Variants in RCAN2 observed in about 807,000 individuals in gnomAD.
RCAN2 encodes the protein calcipressin-2.
A neutral mutation model predicts 23.6 loss-of-function variants in RCAN2; 9 were observed. The observed-to-expected ratio is 0.38, with a 90% confidence interval of 0.23 to 0.67. RCAN2 has a LOEUF of 0.67. RCAN2 is among the 30% of genes least tolerant of loss of function. RCAN2 has a pLI of 0.51. For synonymous variants in RCAN2, 109 were observed against 115.7 expected, an observed-to-expected ratio of 0.94 and a Z score of 0.37; for missense variants, 273 against 302.3, an observed-to-expected ratio of 0.90 and a Z score of 0.72.
At chr6:46,301,030 G>A (rs553436081) in intron 2 of RCAN2, among the ~76,000 whole-genome samples, 12 of 151,760 alleles carry the variant, frequency 7.9e-5, no homozygotes, top group Middle Eastern at 3.4e-3. Flanking sequence ...AAAAATCAGC[G>A]TGGGAAAACT....
At chr6:46,323,804 A>G (rs1377366387) in intron 2 of RCAN2, among the ~76,000 whole-genome samples, 1 of 152,244 alleles carries the variant, frequency 6.6e-6, no homozygotes, top group Admixed American at 6.5e-5. Context: ...TCATAGATAC[A>G]TATGCCATAT....
At chr6:46,341,824 G>A (rs1169916479) in intron 2 of RCAN2, among the ~76,000 whole-genome samples, 1 of 152,226 alleles carries the variant, frequency 6.6e-6, no homozygotes. Context: ...AAAAGTAAAT[G>A]TCAGTCCTAT....
At chr6:46,272,925 A>G (rs532879226) in intron 2 of RCAN2, among the ~76,000 whole-genome samples, 4 of 152,262 alleles carry the variant, frequency 2.6e-5, no homozygotes, top group Non-Finnish European at 4.4e-5. Flanking sequence ...AATAAGTTCC[A>G]TGTTCACCGT....
chr6:46,457,373 T>A (rs930985792), intron 1 of RCAN2, among the ~76,000 whole-genome samples: 2 of 152,124 alleles, frequency 1.3e-5, no homozygotes, highest in African/African-American at 4.8e-5. Context: ...TCCACAATAG[T>A]CTATAAGGTT....
intron 1 of RCAN2, among the ~76,000 whole-genome samples, chr6:46,485,141 G>A (rs1768963591): frequency 6.6e-6 from 1 of 152,198 alleles, no homozygotes; most frequent in Non-Finnish European, 1.5e-5. Flanking sequence ...GCTCAAAGAT[G>A]TTTATCAAGG....
chr6:46,233,228 C>T (rs145268838), intron 4 of RCAN2, among the ~76,000 whole-genome samples: 4 of 152,266 alleles, frequency 2.6e-5, no homozygotes, highest in South Asian at 2.1e-4. Flanking sequence ...TTGAGTTAAC[C>T]GCATCCAGGG....
chr6:46,298,078 T>C (rs907577945), intron 2 of RCAN2, among the ~76,000 whole-genome samples: 2 of 152,156 alleles, frequency 1.3e-5, no homozygotes, highest in Admixed American at 6.6e-5. Flanking sequence ...TTAATTTATG[T>C]AAATTGCATT....
chr6:46,342,260 C>G (rs567804526), intron 2 of RCAN2, among the ~76,000 whole-genome samples: 1 of 152,134 alleles, frequency 6.6e-6, no homozygotes, highest in African/African-American at 2.4e-5. Context: ...AGGGCAAATG[C>G]TCTATTAAAG....
At chr6:46,468,684 A>T in intron 1 of RCAN2, 1 of 380,156 alleles carries the variant, frequency 2.6e-6, no homozygotes, top group Non-Finnish European at 3.6e-6. Context: ...ACGGCTCCTG[A>T]TATGCTGTGC....
chr6:46,283,669 C>A, intron 2 of RCAN2, among the ~76,000 whole-genome samples: 1 of 152,212 alleles, frequency 6.6e-6, no homozygotes, highest in African/African-American at 2.4e-5. Context: ...GGTGGGTTGT[C>A]ATCAACATAA....
chr6:46,426,146 C>G (rs774337178), intron 2 of RCAN2, among the ~76,000 whole-genome samples: 1 of 152,014 alleles, frequency 6.6e-6, no homozygotes. Context: ...TGATCCACCC[C>G]CCTCAGCTTC....
chr6:46,448,167 A>G (rs1166699341), intron 2 of RCAN2, among the ~76,000 whole-genome samples: 7 of 151,848 alleles, frequency 4.6e-5, no homozygotes, highest in African/African-American at 1.4e-4. Flanking sequence ...AACTGATACC[A>G]CAAGAATACA....
chr6:46,466,960 T>C (rs1768403011), intron 1 of RCAN2, among the ~76,000 whole-genome samples: 1 of 152,182 alleles, frequency 6.6e-6, no homozygotes, highest in Non-Finnish European at 1.5e-5. Context: ...TTCCCACCTA[T>C]CAACATTCCA....
intron 2 of RCAN2, among the ~76,000 whole-genome samples, chr6:46,252,397 T>A (rs957409027): frequency 2.0e-5 from 3 of 152,218 alleles, no homozygotes; most frequent in Admixed American, 2.0e-4. Flanking sequence ...TAATTTCTCC[T>A]CGATCGTTAG....
chr6:46,289,820 C>G (rs892059514), intron 2 of RCAN2, among the ~76,000 whole-genome samples: 7 of 152,198 alleles, frequency 4.6e-5, no homozygotes, highest in African/African-American at 7.2e-5. Flanking sequence ...CCAGGGAACA[C>G]AGCTGCTCAT....
chr6:46,437,726 T>C (rs1767414113), intron 2 of RCAN2, among the ~76,000 whole-genome samples: 1 of 152,176 alleles, frequency 6.6e-6, no homozygotes, highest in South Asian at 2.1e-4. Flanking sequence ...CTATCCCAAC[T>C]GCTGAGTGGT....
intron 2 of RCAN2, among the ~76,000 whole-genome samples, chr6:46,444,762 G>A (rs1767650397): frequency 6.6e-6 from 1 of 152,126 alleles, no homozygotes; most frequent in Non-Finnish European, 1.5e-5. Flanking sequence ...GTCCATCCCA[G>A]TAGACCTCAC....
intron 2 of RCAN2, chr6:46,325,631 T>G: frequency 7.0e-7 from 1 of 1,432,704 alleles, no homozygotes; most frequent in Non-Finnish European, 9.1e-7. Context: ...CCGCTCCCAC[T>G]GCACGCAGCC....
At chr6:46,317,151 C>G (rs921558879) in intron 2 of RCAN2, among the ~76,000 whole-genome samples, 2 of 152,174 alleles carry the variant, frequency 1.3e-5, no homozygotes, top group Non-Finnish European at 2.9e-5. Context: ...AGGCGCATGT[C>G]AAACCAGGGA....
Sources: gnomAD v4.1 joint callset for allele counts (sites outside exome capture counted in the v4.1 genomes callset) on GRCh38, gnomAD v4.1.1 for gene constraint, MANE v1.5 for transcripts, NCBI Gene and HGNC (gene_info 2026-07-23, HGNC 2026-07-21) for gene names.